Variants in MAML2 observed in about 807,000 individuals in gnomAD.
The protein encoded by MAML2 is mastermind like transcriptional coactivator 2.
Under a neutral mutation model 96.1 loss-of-function variants are expected in MAML2, and 22 were observed. The ratio of observed to expected loss-of-function variants is 0.23; its 90% CI spans 0.16 to 0.33. MAML2 has a LOEUF of 0.33. MAML2 is among the 10% of genes least tolerant of loss of function. MAML2 has a pLI of 1.00. For missense variants in MAML2, 1,367 were observed against 1,392.4 expected, an observed-to-expected ratio of 0.98 and a Z score of 0.29; for synonymous variants, 561 against 521.3, an observed-to-expected ratio of 1.08 and a Z score of -1.04.
chr11:96,342,041 C>G lies in MAML2; in HGVS notation c.-146G>C. 5 of 686,878 alleles carry G rather than the reference C, an allele frequency of 7.3e-6. No individual in the cohort carries two copies. Among genetic ancestry groups the G allele is most frequent in the South Asian group, 2.9e-5 (1 of 34,374 alleles). 42.5% of individuals were successfully genotyped at this position (686,878 alleles called of 1,614,324 possible). ...AGGTCTTCAGAGGTTGTGGGGGAGC[C>G]GTGGAGAAGTTGTGGGGGAGGGGAG... On this transcript the variant is annotated 5_prime_UTR_variant, in exon 1 of 5. Transcript: ENST00000524717.
chr11:96,310,598 C>T (rs942442183), intron 1 of MAML2, among the ~76,000 whole-genome samples: 1 of 152,198 alleles, frequency 6.6e-6, no homozygotes, highest in Non-Finnish European at 1.5e-5. Flanking sequence ...GCCCTTTCTT[C>T]CTAGTCCTTA....
At position 96,152,253 on chromosome 11, in the gene MAML2, T is replaced by G. The variant is rs1168265316; in HGVS notation, c.514-58736A>C. 2.6e-5 allele frequency among the ~76,000 whole-genome samples: 4 copies of G among 152,220 alleles called. No homozygotes were observed. The East Asian group carries it at 5.8e-4, about 22-fold the overall frequency. On this transcript the variant is annotated intron_variant, in intron 1 of 4. Coordinates refer to ENST00000524717, the MANE Select transcript of MAML2 (RefSeq NM_032427.4). ...TAGGTGAAAAAGAGTAACTGCATAT[T>G]GTTATCAACAGCAAAAGAAATGTAG...
rs55884794 is a variant in MAML2 at position 96,277,917 on chromosome 11, CT to C, written c.513+63465del. On this transcript the variant is annotated intron_variant, in intron 1 of 4. Transcript: ENST00000524717. ...AACTGCTAAAACCCTTCTGTGGGAA[CT>C]TTTTTTTTTTTTTTTCCATTCTCCA... Among the ~76,000 whole-genome samples the C allele has an allele frequency of 3.0e-3, 433 of 142,420 alleles. 1 individual carries two copies. The highest frequency in any genetic ancestry group is 0.015 in the Middle Eastern group (4 of 272). The allele number at this position is 142,420 out of a possible 152,430, so 93.4% of individuals were successfully genotyped here. A position where few individuals can be genotyped will look rare whatever the true frequency, so the allele number is the denominator to read the frequency against.
intron 1 of MAML2, among the ~76,000 whole-genome samples, chr11:96,316,373 T>C (rs1470193552): frequency 2.6e-5 from 4 of 152,140 alleles, no homozygotes; most frequent in Non-Finnish European, 5.9e-5. Context: ...AAATGCAGGT[T>C]GTAACAAATG....
chr11:96,212,436 G>A, intron 1 of MAML2, among the ~76,000 whole-genome samples: 1 of 152,196 alleles, frequency 6.6e-6, no homozygotes, highest in African/African-American at 2.4e-5. Flanking sequence ...GAAGGAGCAA[G>A]TAGAGCAGAG....
At chr11:96,181,641 C>T (rs1383018264) in intron 1 of MAML2, among the ~76,000 whole-genome samples, 1 of 152,132 alleles carries the variant, frequency 6.6e-6, no homozygotes, top group Non-Finnish European at 1.5e-5. Flanking sequence ...GGAGAGCTGA[C>T]ATCATATAGA....
At chr11:96,171,183 T>C (rs1253898982) in intron 1 of MAML2, among the ~76,000 whole-genome samples, 4 of 152,280 alleles carry the variant, frequency 2.6e-5, no homozygotes, top group East Asian at 1.9e-4. Context: ...GTAAAAACCA[T>C]TGGAGGGAAG....
chr11:96,077,215 C>CTT (rs1565207022), intron 2 of MAML2, among the ~76,000 whole-genome samples: 5 of 61,810 alleles, frequency 8.1e-5, no homozygotes, highest in African/African-American at 2.5e-4. Context: ...CCAACTCTCT[C>CTT]TCTCTTTTTT....
intron 2 of MAML2, among the ~76,000 whole-genome samples, chr11:96,002,202 G>C (rs756086339): frequency 3.9e-5 from 6 of 152,126 alleles, no homozygotes; most frequent in Non-Finnish European, 8.8e-5. Context: ...CATGTTCATT[G>C]TGAAATTCCC....
At chr11:96,177,402 T>C (rs1861403733) in intron 1 of MAML2, among the ~76,000 whole-genome samples, 1 of 152,222 alleles carries the variant, frequency 6.6e-6, no homozygotes, top group Admixed American at 6.5e-5. Flanking sequence ...GCATGTGATA[T>C]GTACAATCAT....
chr11:96,183,593 A>G (rs1431224686), intron 1 of MAML2, among the ~76,000 whole-genome samples: 1 of 150,816 alleles, frequency 6.6e-6, no homozygotes, highest in Non-Finnish European at 1.5e-5. Flanking sequence ...TCTTTGTAGC[A>G]ACAGGGGGAT....
intron 1 of MAML2, among the ~76,000 whole-genome samples, chr11:96,248,521 T>C (rs1206229478): frequency 1.3e-5 from 2 of 152,148 alleles, no homozygotes; most frequent in Non-Finnish European, 2.9e-5. Flanking sequence ...ACACTGTTAC[T>C]GGAGATGAAA....
At chr11:95,990,458 C>T (rs142745183) in intron 3 of MAML2, among the ~76,000 whole-genome samples, 229 of 152,244 alleles carry the variant, frequency 1.5e-3, no homozygotes, top group Admixed American at 5.2e-3. Flanking sequence ...AATAACCCTC[C>T]TACTCATCTC....
intron 2 of MAML2, among the ~76,000 whole-genome samples, chr11:96,058,532 G>T (rs1269178372): frequency 6.6e-6 from 1 of 152,096 alleles, no homozygotes; most frequent in Non-Finnish European, 1.5e-5. Context: ...TATTGGCCAG[G>T]CTGGTCTCGA....
Position 96,028,683 on chromosome 11 carries a change from G to A in MAML2, c.2140-36960C>T, listed in dbSNP as rs564046614. Among the ~76,000 whole-genome samples the A allele has an allele frequency of 3.2e-3, 487 of 152,184 alleles. 3 individuals carry two copies. Among genetic ancestry groups the A allele is most frequent in the South Asian group, 0.028 (135 of 4,818 alleles). ...AAATAAAAATTCAATACTCAGCAAA[G>A]TCTAACATCTAGGCAGTAGAGTCAG... On this transcript the variant is annotated intron_variant, in intron 2 of 4. Transcript: ENST00000524717.
intron 1 of MAML2, among the ~76,000 whole-genome samples, chr11:96,248,219 T>A (rs1862536605): frequency 6.6e-6 from 1 of 151,404 alleles, no homozygotes; most frequent in African/African-American, 2.4e-5. Context: ...TTCAAGCGAT[T>A]CTCCTACCTC....
At chr11:96,210,258 C>T (rs1440849609) in intron 1 of MAML2, among the ~76,000 whole-genome samples, 1 of 151,988 alleles carries the variant, frequency 6.6e-6, no homozygotes, top group East Asian at 1.9e-4. Context: ...TACAGGCACC[C>T]GACACCACGC....
intron 1 of MAML2, among the ~76,000 whole-genome samples, chr11:96,169,469 CCTT>C (rs1476390649): frequency 6.6e-6 from 1 of 152,180 alleles, no homozygotes; most frequent in Non-Finnish European, 1.5e-5. Context: ...TCGAGCTCCT[CCTT>C]CTAAAAAAGT....
At chr11:96,252,425 C>CTTTTT (rs35604635) in intron 1 of MAML2, among the ~76,000 whole-genome samples, 16 of 122,580 alleles carry the variant, frequency 1.3e-4, no homozygotes, top group Admixed American at 4.5e-4. Context: ...TTGACTAACT[C>CTTTTT]TTTTTTTTTT....
Sources: gnomAD v4.1 joint callset for allele counts (sites outside exome capture counted in the v4.1 genomes callset) on GRCh38, gnomAD v4.1.1 for gene constraint, MANE v1.5 for transcripts, NCBI Gene and HGNC (gene_info 2026-07-23, HGNC 2026-07-21) for gene names.